The following SPOCK2 variants were observed in gnomAD, a reference collection of about 807,000 sequenced individuals.
SPOCK2 encodes SPARC (osteonectin), cwcv and kazal like domains proteoglycan 2, also known as testican-2.
Under a neutral mutation model 60.1 loss-of-function variants are expected in SPOCK2, and 39 were observed. That is an observed-to-expected ratio of 0.65 (90% CI 0.50 to 0.85). The LOEUF (loss-of-function observed/expected upper bound fraction) is 0.85, where lower values mean the gene tolerates loss of function less well. SPOCK2 is among the 40% of genes least tolerant of loss of function. The probability of loss-of-function intolerance (pLI) is 0.00; values close to 1 mark genes in which losing one functional copy is unlikely to be tolerated. For missense variants in SPOCK2, 523 were observed against 567.4 expected (o/e 0.92, Z 0.80); for synonymous variants, 217 against 231.5 (o/e 0.94, Z 0.57).
rs1387058208 is a variant in SPOCK2 at position 72,087,169 on chromosome 10, C to CAG, written c.189+970_189+971insCT. ...CACACCCTCCGCCCGCCCTGCCTCA[C>CAG]CCCTGCTTCCCCAGCCCCCAACCCG... is the stretch of plus-strand genomic sequence containing the variant. On this transcript the variant is annotated intron_variant, in intron 1 of 10. Coordinates refer to ENST00000373109, the MANE Select transcript of SPOCK2 (RefSeq NM_001244950.2). The surrounding 1 kb of genome is among the most constrained non-coding windows in gnomAD (Gnocchi z 4.7). 1.3e-5 allele frequency among the ~76,000 whole-genome samples: 2 copies of CAG among 152,032 alleles called. 1 individual carries two copies. The highest frequency in any genetic ancestry group is 3.9e-4 in the East Asian group (2 of 5,156).
chr10:72,074,536 G>A (rs572563360), intron 1 of SPOCK2, among the ~76,000 whole-genome samples: 2 of 152,228 alleles, frequency 1.3e-5, no homozygotes, highest in Non-Finnish European at 2.9e-5. Flanking sequence ...AGTGACAGAA[G>A]GAAAACAAGG....
In SPOCK2 at chr10:72,072,926, C is replaced by T; in HGVS notation, c.190-16G>A. The T allele has an allele frequency of 4.5e-6, 7 of 1,554,704 alleles. No homozygotes were observed. The highest frequency in any genetic ancestry group is 6.1e-6 in the Non-Finnish European group (7 of 1,148,654). On this transcript the variant is annotated splice_polypyrimidine_tract_variant and intron_variant, in intron 1 of 10. Coordinates refer to ENST00000373109, the MANE Select transcript of SPOCK2 (RefSeq NM_001244950.2). ...CCTCCACTTCCTGGAGATCAGGGAA[C>T]AGCAGCAGGCCATGGAAAACGGAGC...
Position 72,062,763 on chromosome 10 carries a change from C to T in SPOCK2, c.1272G>A (p.Trp424Ter). The part of the protein sequence containing the change: ...AGEADDGGYI[W>*] ...GGCAGCCGGCTCCTGAGGGCGTCTA[C>T]CAGATGTAGCCCCCGTCGTCAGCCT... Residue 424 changes from tryptophan (W) to a stop codon, truncating the protein, a stop_gained, in exon 11 of 11, where the codon TGG becomes TGA. Coordinates refer to ENST00000373109, the MANE Select transcript of SPOCK2 (RefSeq NM_001244950.2). LOFTEE classifies it high-confidence loss of function. This position sits in a 1 kb window ranked among gnomAD's most constrained non-coding sequence, Gnocchi z 4.3. The T allele has an allele frequency of 6.2e-7, 1 of 1,603,096 alleles. No homozygotes were observed.
chr10:72,070,509 T>G, intron 4 of SPOCK2, 83 bp from the exon 5 acceptor site: 1 of 1,336,272 alleles, frequency 7.5e-7, no homozygotes, highest in Non-Finnish European at 1.1e-6. Flanking sequence ...GCAGACCTGT[T>G]CCAACAGGAA....
At chr10:72,082,015 C>T (rs1840792077) in intron 1 of SPOCK2, among the ~76,000 whole-genome samples, 1 of 152,202 alleles carries the variant, frequency 6.6e-6, no homozygotes, top group Non-Finnish European at 1.5e-5. Context: ...GTACACAAGG[C>T]TGACTGTTCC....
chr10:72,082,768 C>T lies in SPOCK2; in HGVS notation c.189+5372G>A, dbSNP rs1431236985. On this transcript the variant is annotated intron_variant, in intron 1 of 10. Coordinates refer to ENST00000373109, the MANE Select transcript of SPOCK2 (RefSeq NM_001244950.2). ...ACTTGGGAGGCTGAGGTGGGAGGAT[C>T]GCTTGAGTCCAGGAGGTGGAGGTTG... Among the ~76,000 whole-genome samples, 8 of 146,718 alleles carry T rather than the reference C, an allele frequency of 5.5e-5. No individual in the cohort carries two copies. In the South Asian group the frequency reaches 6.6e-4, roughly 12 times the overall value.
Position 72,083,878 on chromosome 10 carries a change from C to A in SPOCK2, c.189+4262G>T, listed in dbSNP as rs1369488614. 3.3e-5 allele frequency among the ~76,000 whole-genome samples: 5 copies of A among 152,210 alleles called. No homozygotes were observed. The East Asian group carries it at 5.8e-4, about 18-fold the overall frequency. ...ATCCATCCTGACCCACTTTTGGGTTCTTCTCACACACCCACACTTACCCAC... is the reference window on the plus strand; with the variant it reads ...ATCCATCCTGACCCACTTTTGGGTTATTCTCACACACCCACACTTACCCAC... On this transcript the variant is annotated intron_variant, in intron 1 of 10. Transcript: ENST00000373109.
At chr10:72,070,648 C>T (rs1229379170) in intron 4 of SPOCK2, among the ~76,000 whole-genome samples, 1 of 150,662 alleles carries the variant, frequency 6.6e-6, no homozygotes, top group African/African-American at 2.4e-5. Flanking sequence ...CCCAGCTTCT[C>T]TTCTTCTAGG....
At position 72,064,233 on chromosome 10, in the gene SPOCK2, G is replaced by A; in HGVS notation, c.936C>T (p.Pro312=). ...WCFCFWREKP[P]CLAELERIQI... ...GGATGCGCTCCAGCTCTGCCAGGCA[G>A]GGGGGCTCTGTGGGGAGAGAAGCAG... The change falls in exon 9 of 11, where the codon CCC becomes CCT. Residue 312 remains proline, a synonymous_variant. Coordinates refer to ENST00000373109, the MANE Select transcript of SPOCK2 (RefSeq NM_001244950.2). 6.3e-7 allele frequency: 1 copy of A among 1,599,616 alleles called. No homozygotes were observed. The highest frequency in any genetic ancestry group is 8.5e-7 in the Non-Finnish European group (1 of 1,174,836).
At position 72,072,084 on chromosome 10, in the gene SPOCK2, T is replaced by C. The variant is rs181298059; in HGVS notation, c.359+60A>G. ...GGCTAATTCATAAGGAGAGGGTCAG[T>C]TGAGCCCTTGCTCTTTGAACACACC... On this transcript the variant is annotated intron_variant, in intron 4 of 10. Transcript: ENST00000373109. The C allele has an allele frequency of 5.8e-4, 784 of 1,350,908 alleles. 2 individuals carry two copies. In the African/African-American group the frequency reaches 0.011, roughly 18 times the overall value. The allele number at this position is 1,350,908 out of a possible 1,614,324, so 83.7% of individuals were successfully genotyped here.
chr10:72,086,493 G>C (rs1840856267), intron 1 of SPOCK2: 7 of 1,069,904 alleles, frequency 6.5e-6, no homozygotes, highest in Non-Finnish European at 7.9e-6. Context: ...CCAGCGAGTC[G>C]GAGGGAGGCC....
chr10:72,070,470 G>A, intron 4 of SPOCK2, 44 bp from the exon 5 acceptor site: 1 of 1,590,830 alleles, frequency 6.3e-7, no homozygotes. Context: ...AAGTGACAAT[G>A]AGGAAGGAGC....
At chr10:72,070,562 C>A (rs1840633772) in intron 4 of SPOCK2, 136 bp from the exon 5 acceptor site, 6 of 720,826 alleles carry the variant, frequency 8.3e-6, no homozygotes, top group Admixed American at 2.2e-5. Flanking sequence ...CCTGCCCCTG[C>A]CCACCCTCCC....
intron 1 of SPOCK2, among the ~76,000 whole-genome samples, chr10:72,086,033 A>G (rs912149814): frequency 6.6e-6 from 1 of 152,220 alleles, no homozygotes; most frequent in Non-Finnish European, 1.5e-5. Flanking sequence ...GGCTGTCAAC[A>G]GATCCCCAGG....
Position 72,060,734 on chromosome 10 carries a change from G to A in SPOCK2, c.*2026C>T, listed in dbSNP as rs1840480470. 2 of 152,764 alleles carry A rather than the reference G, an allele frequency of 1.3e-5. No homozygotes were observed. The highest frequency in any genetic ancestry group is 2.4e-5 in the African/African-American group (1 of 41,412). The allele number at this position is 152,764 out of a possible 1,614,324, so 9.5% of individuals were successfully genotyped here. A position where few individuals can be genotyped will look rare whatever the true frequency, so the allele number is the denominator to read the frequency against. ...AAGAGGGGACTGGGGGACCTGGAACGACGCGACACCTCAACAATCAGAACT... is the reference window on the plus strand; with the variant it reads ...AAGAGGGGACTGGGGGACCTGGAACAACGCGACACCTCAACAATCAGAACT... On this transcript the variant is annotated 3_prime_UTR_variant, in exon 11 of 11. Coordinates refer to ENST00000373109, the MANE Select transcript of SPOCK2 (RefSeq NM_001244950.2).
In SPOCK2 at chr10:72,067,669, A is replaced by G. The variant is rs1840588598; in HGVS notation, c.653T>C (p.Leu218Pro). 1 of 1,613,742 alleles carries G rather than the reference A, an allele frequency of 6.2e-7. No homozygotes were observed. The highest frequency in any genetic ancestry group is 1.1e-5 in the South Asian group (1 of 91,070). The change falls in exon 7 of 11, where the codon CTT (leucine) becomes CCT (proline). Residue 218 changes from leucine to proline, a missense_variant. Coordinates refer to ENST00000373109, the MANE Select transcript of SPOCK2 (RefSeq NM_001244950.2). ...GDRLRDWFQL[L>P]HENSKQNGSA... ...GCCATTCTGCTTGGAGTTCTCATGA[A>G]GGAGCTGGAACCAGTCCCGCAGCCG... is the stretch of plus-strand genomic sequence containing the variant.
At chr10:72,068,663 A>C in intron 5 of SPOCK2, 1 of 239,286 alleles carries the variant, frequency 4.2e-6, no homozygotes, top group Non-Finnish European at 7.7e-6. Flanking sequence ...CCTGGCTCTC[A>C]TGGCCTGTTC....
At chr10:72,064,418 G>T (rs577251030) in intron 8 of SPOCK2, among the ~76,000 whole-genome samples, 178 bp from the exon 9 acceptor site, 53 of 152,272 alleles carry the variant, frequency 3.5e-4, no homozygotes, top group Non-Finnish European at 6.8e-4. Flanking sequence ...GCACGAAAAC[G>T]CTCACTCTCT....
chr10:72,087,044 A>C lies in SPOCK2; in HGVS notation c.189+1096T>G. ...GTCCTAGAAGAGGTTTTCTGGGGTCAGGGCCGCGGTGAGCACCAGGTCGCC... is the reference window on the plus strand; with the variant it reads ...GTCCTAGAAGAGGTTTTCTGGGGTCCGGGCCGCGGTGAGCACCAGGTCGCC... On this transcript the variant is annotated intron_variant, in intron 1 of 10. Transcript: ENST00000373109. The surrounding 1 kb of genome is among the most constrained non-coding windows in gnomAD (Gnocchi z 4.7). The C allele has an allele frequency of 6.5e-7, 1 of 1,533,808 alleles. No homozygotes were observed. Among genetic ancestry groups the C allele is most frequent in the Non-Finnish European group, 8.8e-7 (1 of 1,138,054 alleles).
Sources: gnomAD v4.1 joint callset for allele counts (sites outside exome capture counted in the v4.1 genomes callset) on GRCh38, gnomAD v4.1.1 for gene constraint, Gnocchi (gnomAD v3.1) non-coding constraint, MANE v1.5 for transcripts, NCBI Gene and HGNC (gene_info 2026-07-23, HGNC 2026-07-21) for gene names.